Variants in KIAA0825 observed in about 807,000 individuals in gnomAD.
The protein encoded by KIAA0825 is uncharacterized protein KIAA0825.
KIAA0825 carries 119 observed loss-of-function variants against 147.6 expected under a neutral mutation model. The ratio of observed to expected loss-of-function variants is 0.81; its 90% confidence interval spans 0.69 to 0.94. KIAA0825 has a LOEUF of 0.94. Among genes scored for constraint, KIAA0825 ranks in the 40% least tolerant of loss-of-function variants. The probability of loss-of-function intolerance (pLI) is 0.00; values close to 1 mark genes in which losing one functional copy is unlikely to be tolerated. For synonymous variants in KIAA0825, 470 were observed against 518.1 expected (o/e 0.91, Z 1.26); for missense variants, 1,381 against 1,472.7 (o/e 0.94, Z 1.02).
At chr5:94,366,283 C>A (rs143156229) in intron 20 of KIAA0825, among the ~76,000 whole-genome samples, 2 of 152,176 alleles carry the variant, frequency 1.3e-5, no homozygotes, top group African/African-American at 2.4e-5. Context: ...GAACCCACTG[C>A]GGGGTTACAT....
intron 20 of KIAA0825, among the ~76,000 whole-genome samples, chr5:94,276,709 T>C (rs1272446664): frequency 6.6e-6 from 1 of 151,976 alleles, no homozygotes; most frequent in Non-Finnish European, 1.5e-5. Context: ...TAAGATTTAA[T>C]TCTTAATTAT....
intron 20 of KIAA0825, among the ~76,000 whole-genome samples, chr5:94,270,173 C>G (rs184906692): frequency 6.2e-4 from 94 of 152,168 alleles, no homozygotes; most frequent in African/African-American, 2.2e-3. Context: ...AACTGGGGAA[C>G]TGCATTAGCT....
intron 20 of KIAA0825, among the ~76,000 whole-genome samples, chr5:94,255,550 G>GA (rs756621385): frequency 6.6e-5 from 10 of 151,900 alleles, no homozygotes; most frequent in African/African-American, 9.7e-5. Context: ...TTGTGGAAGA[G>GA]AAAACCACAT....
At chr5:94,427,106 A>G (rs1244898164) in intron 14 of KIAA0825, among the ~76,000 whole-genome samples, 1 of 152,194 alleles carries the variant, frequency 6.6e-6, no homozygotes, top group African/African-American at 2.4e-5. Flanking sequence ...GAGTGTACAT[A>G]TGTTCCAAAT....
rs922152 is a variant in KIAA0825, at chr5:94,232,706, T to C, written c.3711-78582A>G. ...TTTATCAACTCAGGATGTTTATTTG[T>C]TTTGCCAAAAAATGAAGCTCATTTT... On this transcript the variant is annotated intron_variant, in intron 20 of 20. Coordinates refer to ENST00000682413, the MANE Select transcript of KIAA0825 (RefSeq NM_001145678.3). Among the ~76,000 whole-genome samples the C allele has an allele frequency of 2.3e-3, 355 of 152,158 alleles. 1 individual carries two copies. The highest frequency in any genetic ancestry group is 4.2e-3 in the Non-Finnish European group (288 of 67,968).
At chr5:94,396,571 T>C in intron 16 of KIAA0825, 62 bp from the exon 17 acceptor site, 1 of 1,347,336 alleles carries the variant, frequency 7.4e-7, no homozygotes, top group Non-Finnish European at 9.9e-7. Context: ...CTGCATGGTT[T>C]TGTGTTGTAT....
At chr5:94,517,892 A>G (rs949635962) in intron 5 of KIAA0825, among the ~76,000 whole-genome samples, 2 of 152,090 alleles carry the variant, frequency 1.3e-5, no homozygotes, top group African/African-American at 4.8e-5. Context: ...AGTCAGACAG[A>G]TAAGTTTGAA....
At chr5:94,486,021 ACT>A (rs1161556018) in intron 5 of KIAA0825, among the ~76,000 whole-genome samples, 1 of 151,762 alleles carries the variant, frequency 6.6e-6, no homozygotes, top group Non-Finnish European at 1.5e-5. Flanking sequence ...ATCCCTTTAT[ACT>A]CTTTAAGAGT....
chr5:94,417,966 A>G (rs1405597052), intron 14 of KIAA0825, among the ~76,000 whole-genome samples: 1 of 152,122 alleles, frequency 6.6e-6, no homozygotes, highest in Non-Finnish European at 1.5e-5. Flanking sequence ...GTCCTTTTCA[A>G]CCCTCCTTTG....
chr5:94,330,090 A>G (rs1233414406), intron 20 of KIAA0825, among the ~76,000 whole-genome samples: 1 of 152,202 alleles, frequency 6.6e-6, no homozygotes, highest in African/African-American at 2.4e-5. Flanking sequence ...TGATTTGATC[A>G]CCATGCATCT....
chr5:94,215,648 T>G (rs1773125802), intron 20 of KIAA0825, among the ~76,000 whole-genome samples: 2 of 152,104 alleles, frequency 1.3e-5, no homozygotes, highest in African/African-American at 4.8e-5. Flanking sequence ...TCTCTTCCCC[T>G]TTTCCCTTTT....
At chr5:94,201,310 TTAATG>T (rs1389109660) in intron 20 of KIAA0825, among the ~76,000 whole-genome samples, 1 of 151,784 alleles carries the variant, frequency 6.6e-6, no homozygotes, top group Non-Finnish European at 1.5e-5. Context: ...ATTAAATTAA[TTAATG>T]TAATAGATTT....
chr5:94,459,245 C>T (rs1191160768), intron 12 of KIAA0825, among the ~76,000 whole-genome samples: 1 of 152,050 alleles, frequency 6.6e-6, no homozygotes, highest in South Asian at 2.1e-4. Context: ...TGGCTGCTTT[C>T]TCATTGTGTT....
chr5:94,617,868 C>G (rs1433113752), intron 1 of KIAA0825: 1 of 152,210 alleles, frequency 6.6e-6, no homozygotes, highest in African/African-American at 2.4e-5. Flanking sequence ...GCAAGCATTC[C>G]TTTCTGAAAG....
intron 1 of KIAA0825, chr5:94,593,734 G>T: frequency 8.0e-6 from 3 of 376,628 alleles, no homozygotes; most frequent in South Asian, 2.4e-5. Context: ...TAAACAATTA[G>T]AGTTGTTGAA....
At chr5:94,309,020 A>G (rs1226166865) in intron 20 of KIAA0825, among the ~76,000 whole-genome samples, 1 of 151,770 alleles carries the variant, frequency 6.6e-6, no homozygotes, top group Non-Finnish European at 1.5e-5. Flanking sequence ...TTCTCTCTCA[A>G]TCACTGTCCT....
intron 20 of KIAA0825, among the ~76,000 whole-genome samples, chr5:94,347,231 A>G (rs1202549953): frequency 6.6e-6 from 1 of 152,168 alleles, no homozygotes; most frequent in African/African-American, 2.4e-5. Flanking sequence ...CCACCCTAGT[A>G]GCAGAAAAGG....
chr5:94,536,249 C>T (rs1771992397), intron 3 of KIAA0825, among the ~76,000 whole-genome samples: 1 of 152,144 alleles, frequency 6.6e-6, no homozygotes, highest in Admixed American at 6.5e-5. Flanking sequence ...ATTTCACTTA[C>T]TTGGTTCAGT....
chr5:94,553,648 C>T (rs1038007032), intron 2 of KIAA0825, among the ~76,000 whole-genome samples: 1 of 151,472 alleles, frequency 6.6e-6, no homozygotes, highest in African/African-American at 2.4e-5. Context: ...CGCCTGTAAT[C>T]CCAGCTACTC....
Sources: gnomAD v4.1 joint callset for allele counts (sites outside exome capture counted in the v4.1 genomes callset) on GRCh38, gnomAD v4.1.1 for gene constraint, MANE v1.5 for transcripts, NCBI Gene and HGNC (gene_info 2026-07-23, HGNC 2026-07-21) for gene names.